Variants in PPARGC1A observed in about 807,000 individuals in gnomAD.
PPARGC1A encodes the protein PPARG coactivator 1 alpha, also known as peroxisome proliferator-activated receptor gamma coactivator 1-alpha.
A neutral mutation model predicts 88.7 loss-of-function variants in PPARGC1A; 25 were observed. The observed-to-expected ratio is 0.28, with a 90% confidence interval of 0.21 to 0.39. PPARGC1A has a LOEUF of 0.39. PPARGC1A is among the 10% of genes least tolerant of loss of function. The pLI, the probability that PPARGC1A is intolerant of heterozygous loss-of-function variation, is 1.00. For synonymous variants in PPARGC1A, 363 were observed against 355.6 expected, an observed-to-expected ratio of 1.02 and a Z score of -0.24; for missense variants, 880 against 968.7, an observed-to-expected ratio of 0.91 and a Z score of 1.22.
At chr4:23,806,827 TA>T (rs1385701897) in intron 10 of PPARGC1A, among the ~76,000 whole-genome samples, 3 of 152,140 alleles carry the variant, frequency 2.0e-5, no homozygotes, top group Admixed American at 6.5e-5. Flanking sequence ...TCTCATCAAA[TA>T]AACTACTCCT....
At chr4:24,158,758 A>G in the PPARGC1A span, among the ~76,000 whole-genome samples, 1 of 152,324 alleles carries the variant, frequency 6.6e-6, no homozygotes, top group Admixed American at 6.5e-5. Flanking sequence ...GAAAGGCTAT[A>G]AAGAAAGGTG....
At chr4:23,971,957 A>G in the PPARGC1A span, among the ~76,000 whole-genome samples, 1 of 152,032 alleles carries the variant, frequency 6.6e-6, no homozygotes, top group Admixed American at 6.6e-5. Context: ...TTTCCAGCAA[A>G]CAGCCATTTT....
the PPARGC1A span, among the ~76,000 whole-genome samples, chr4:24,339,235 T>C: frequency 0.6 from 65,873 of 109,608 alleles, 18,633 homozygotes; most frequent in Admixed American, 0.71. Context: ...TATATATATA[T>C]ATACACACAC....
At chr4:24,336,906 A>T in the PPARGC1A span, among the ~76,000 whole-genome samples, 1 of 152,272 alleles carries the variant, frequency 6.6e-6, no homozygotes, top group Middle Eastern at 3.4e-3. Context: ...TCTCTAAAAA[A>T]TAAAATTTAA....
At chr4:24,360,094 A>G in the PPARGC1A span, among the ~76,000 whole-genome samples, 1 of 152,098 alleles carries the variant, frequency 6.6e-6, no homozygotes, top group African/African-American at 2.4e-5. Context: ...GTTGAAATAC[A>G]TCCAGAATCT....
chr4:23,917,995 C>T, the PPARGC1A span, among the ~76,000 whole-genome samples: 3 of 152,152 alleles, frequency 2.0e-5, no homozygotes. Flanking sequence ...GTAGTAGGTC[C>T]ATTGAGATAC....
At chr4:23,898,871 T>C (rs1480372778) in intron 1 of PPARGC1A, among the ~76,000 whole-genome samples, 1 of 151,854 alleles carries the variant, frequency 6.6e-6, no homozygotes, top group Non-Finnish European at 1.5e-5. Context: ...AGTCTTGCTT[T>C]TTTGCCCAGG....
the PPARGC1A span, among the ~76,000 whole-genome samples, chr4:24,152,496 A>C: frequency 4.3e-4 from 65 of 152,332 alleles, no homozygotes; most frequent in African/African-American, 1.5e-3. Context: ...AACACAGAGG[A>C]GGCAGAGATT....
At chr4:23,884,954 A>G in intron 1 of PPARGC1A, 23 bp from the exon 2 acceptor site, 1 of 1,523,772 alleles carries the variant, frequency 6.6e-7, no homozygotes, top group Middle Eastern at 1.8e-4. Context: ...GAAAAAAAAA[A>G]TTTAAAAAAG....
chr4:24,020,346 C>T, the PPARGC1A span, among the ~76,000 whole-genome samples: 1 of 152,152 alleles, frequency 6.6e-6, no homozygotes, highest in Non-Finnish European at 1.5e-5. Flanking sequence ...TATTGATCCT[C>T]ATTTTGGAGG....
At chr4:24,443,825 G>A in the PPARGC1A span, among the ~76,000 whole-genome samples, 1 of 149,006 alleles carries the variant, frequency 6.7e-6, no homozygotes. Context: ...AAGTGCTGGG[G>A]TTACAGGCTT....
chr4:24,419,942 C>T, the PPARGC1A span, among the ~76,000 whole-genome samples: 35 of 152,276 alleles, frequency 2.3e-4, no homozygotes, highest in Middle Eastern at 3.4e-3. Flanking sequence ...GTCTTCAAGG[C>T]ATGCAATTAT....
At chr4:24,064,008 C>T in the PPARGC1A span, among the ~76,000 whole-genome samples, 2 of 152,166 alleles carry the variant, frequency 1.3e-5, no homozygotes, top group African/African-American at 4.8e-5. Context: ...CTGGAGTGGG[C>T]CAGCCTTCCT....
chr4:24,448,073 C>T, the PPARGC1A span, among the ~76,000 whole-genome samples: 1 of 152,206 alleles, frequency 6.6e-6, no homozygotes, highest in Admixed American at 6.5e-5. Context: ...CTGCCCTTAA[C>T]GAGCTACTAA....
At chr4:23,811,482 A>G (rs1347036782) in intron 10 of PPARGC1A, among the ~76,000 whole-genome samples, 1 of 152,222 alleles carries the variant, frequency 6.6e-6, no homozygotes, top group East Asian at 1.9e-4. Flanking sequence ...GGCTCCCTAG[A>G]GCATCATGTC....
At chr4:24,062,699 G>T in the PPARGC1A span, among the ~76,000 whole-genome samples, 1 of 152,204 alleles carries the variant, frequency 6.6e-6, no homozygotes, top group East Asian at 1.9e-4. Context: ...GGTGGGTGAA[G>T]CACCATCCCA....
At chr4:23,884,614 A>G (rs1284636141) in intron 2 of PPARGC1A, 138 bp downstream of exon 2, 1 of 642,724 alleles carries the variant, frequency 1.6e-6, no homozygotes, top group African/African-American at 1.9e-5. Flanking sequence ...TCCATAAATT[A>G]GAAAGTATGT....
chr4:23,890,092 A>G (rs1717598338), upstream of PPARGC1A: 2 of 1,398,036 alleles, frequency 1.4e-6, no homozygotes, highest in Non-Finnish European at 1.9e-6. Flanking sequence ...CCCCAGTCAC[A>G]TGACAAAGCT....
At chr4:23,908,100 T>A (rs1419241912), upstream of PPARGC1A, among the ~76,000 whole-genome samples, 2 of 152,334 alleles carry the variant, frequency 1.3e-5, no homozygotes, top group South Asian at 2.1e-4. Context: ...CGTCATGGGA[T>A]GTTGGGGCAC....
Sources: gnomAD v4.1 joint callset for allele counts (sites outside exome capture counted in the v4.1 genomes callset) on GRCh38, gnomAD v4.1.1 for gene constraint, MANE v1.5 for transcripts, NCBI Gene and HGNC (gene_info 2026-07-23, HGNC 2026-07-21) for gene names.